Variants in DLGAP5 observed in about 807,000 individuals in gnomAD.
DLGAP5 encodes disks large-associated protein 5.
DLGAP5 carries 90 observed loss-of-function variants against 99.6 expected under a neutral mutation model. The observed-to-expected ratio is 0.90, with a 90% CI of 0.76 to 1.08. The LOEUF (loss-of-function observed/expected upper bound fraction) is 1.08. DLGAP5 is among the 50% of genes least tolerant of loss of function. The pLI is 0.00. For missense variants in DLGAP5, 1,036 were observed against 983.5 expected (o/e 1.05, Z -0.71); for synonymous variants, 311 against 321.3 (o/e 0.97, Z 0.34).
At chr14:55,152,929 C>T (rs1446253258) in intron 15 of DLGAP5, among the ~76,000 whole-genome samples, 1 of 152,122 alleles carries the variant, frequency 6.6e-6, no homozygotes, top group East Asian at 1.9e-4. Flanking sequence ...TGAATCTCAG[C>T]CAAATCCAGA....
At chr14:55,180,593 G>T in intron 6 of DLGAP5, 63 bp downstream of exon 6, 1 of 1,591,006 alleles carries the variant, frequency 6.3e-7, no homozygotes, top group South Asian at 1.1e-5. Context: ...TTTTGAAACG[G>T]AACACAAAAA....
chr14:55,178,784 C>T (rs1200463898), intron 7 of DLGAP5, among the ~76,000 whole-genome samples: 2 of 152,134 alleles, frequency 1.3e-5, no homozygotes, highest in Non-Finnish European at 2.9e-5. Context: ...TGGTGGCTCA[C>T]GCCTGTAATC....
intron 14 of DLGAP5, among the ~76,000 whole-genome samples, chr14:55,157,429 A>G (rs186491741): frequency 6.6e-6 from 1 of 152,346 alleles, no homozygotes; most frequent in East Asian, 1.9e-4. Context: ...TAACAAGAAT[A>G]TTATAATATA....
intron 14 of DLGAP5, among the ~76,000 whole-genome samples, 156 bp downstream of exon 14, chr14:55,158,366 G>A (rs2140308238): frequency 6.6e-6 from 1 of 152,278 alleles, no homozygotes; most frequent in African/African-American, 2.4e-5. Flanking sequence ...GTGTTTGTGA[G>A]CGAGCATAGT....
intron 10 of DLGAP5, among the ~76,000 whole-genome samples, chr14:55,173,363 C>T (rs937445887): frequency 6.6e-6 from 1 of 151,404 alleles, no homozygotes; most frequent in African/African-American, 2.4e-5. Context: ...GACAGAGAGG[C>T]TGCGGTGAGC....
chr14:55,152,288 T>C (rs561989520), intron 16 of DLGAP5, among the ~76,000 whole-genome samples: 2 of 152,358 alleles, frequency 1.3e-5, no homozygotes, highest in South Asian at 2.1e-4. Context: ...AGCAGCCAGA[T>C]AGAATACATA....
intron 12 of DLGAP5, among the ~76,000 whole-genome samples, chr14:55,168,279 C>T (rs1490904718): frequency 1.3e-5 from 2 of 152,104 alleles, no homozygotes; most frequent in Non-Finnish European, 2.9e-5. Flanking sequence ...CATATTCTAC[C>T]TATTGTATCT....
chr14:55,161,506 A>AT (rs1882433501), intron 13 of DLGAP5, among the ~76,000 whole-genome samples: 1 of 147,866 alleles, frequency 6.8e-6, no homozygotes, highest in Non-Finnish European at 1.5e-5. Flanking sequence ...GCCTCCCAGG[A>AT]TCAAGTGATT....
intron 2 of DLGAP5, among the ~76,000 whole-genome samples, chr14:55,186,063 G>A (rs140121879): frequency 2.0e-5 from 3 of 152,146 alleles, no homozygotes; most frequent in Non-Finnish European, 2.9e-5. Flanking sequence ...CTGAGGTTGG[G>A]AGTTTGAGAC....
At chr14:55,177,491 A>C (rs1171012367) in intron 7 of DLGAP5, among the ~76,000 whole-genome samples, 155 bp from the exon 8 acceptor site, 1 of 152,136 alleles carries the variant, frequency 6.6e-6, no homozygotes, top group Non-Finnish European at 1.5e-5. Flanking sequence ...TATACATGGA[A>C]TCAGAAGACC....
intron 5 of DLGAP5, 98 bp downstream of exon 5, chr14:55,181,114 CA>C: frequency 8.4e-7 from 1 of 1,188,630 alleles, no homozygotes; most frequent in Admixed American, 2.2e-5. Flanking sequence ...GACTCTGTCA[CA>C]AACAAACGAA....
At chr14:55,189,306 T>C (rs1382443383) in intron 1 of DLGAP5, 126 bp from the exon 2 acceptor site, 1 of 724,288 alleles carries the variant, frequency 1.4e-6, no homozygotes, top group African/African-American at 1.8e-5. Flanking sequence ...TGCAATGAAA[T>C]AAATATGTAA....
chr14:55,184,286 C>G lies in DLGAP5; in HGVS notation c.239-533G>C, dbSNP rs559639213. ...CAGCTTGAGTAACAAAGCAAGACCT[C>G]TCCGCACAAAGGGAAATGCTTTTAA... On this transcript the variant is annotated intron_variant, in intron 2 of 18. Coordinates refer to ENST00000247191, the MANE Select transcript of DLGAP5 (RefSeq NM_014750.5). Among the ~76,000 whole-genome samples, 10 of 152,182 alleles carry G rather than the reference C, an allele frequency of 6.6e-5. No homozygotes were observed. The South Asian group carries it at 2.1e-3, about 31-fold the overall frequency.
At position 55,158,651 on chromosome 14, in the gene DLGAP5, C is replaced by A. The variant is rs190904740; in HGVS notation, c.1744G>T (p.Ala582Ser). The A allele has an allele frequency of 2.0e-5, 32 of 1,614,124 alleles. No individual in the cohort carries two copies. In the East Asian group the frequency reaches 2.5e-4, roughly 12 times the overall value. The change falls in exon 14 of 19, where the codon GCA becomes TCA. Residue 582 changes from alanine (A) to serine (S), a missense_variant. Coordinates refer to ENST00000247191, the MANE Select transcript of DLGAP5 (RefSeq NM_014750.5). Reference sequence around the variant, plus strand: ...TCCTGCCTAATTCTCTCTCTCATTGCATTTTTTATGGCAGCTAGGCGATTT... The same window carrying A: ...TCCTGCCTAATTCTCTCTCTCATTGAATTTTTTATGGCAGCTAGGCGATTT... ...ARNRLAAIKNAMRERIRQEEC... is the reference protein window; with the variant it reads ...ARNRLAAIKNSMRERIRQEEC...
chr14:55,190,496 C>A (rs985259079), intron 1 of DLGAP5, among the ~76,000 whole-genome samples: 5 of 151,976 alleles, frequency 3.3e-5, no homozygotes, highest in African/African-American at 9.7e-5. Context: ...AACTACCAAG[C>A]CAAACTGGAG....
intron 13 of DLGAP5, 93 bp downstream of exon 13, chr14:55,162,875 CAAG>C (rs1014046501): frequency 8.6e-5 from 45 of 522,418 alleles, no homozygotes; most frequent in African/African-American, 7.2e-4. Flanking sequence ...AACTTAAAAA[CAAG>C]AAGTAGAAGA....
At position 55,152,999 on chromosome 14, in the gene DLGAP5, A is replaced by C. The variant is rs549058938; in HGVS notation, c.2064-352T>G. 1.2e-4 allele frequency among the ~76,000 whole-genome samples: 19 copies of C among 152,334 alleles called. No homozygotes were observed. The East Asian group carries it at 3.5e-3, about 28-fold the overall frequency. Reference sequence around the variant, plus strand: ...CTTCTGGAGACAGAAGCAACAATTCAATTATTGTCTAGCTGGAGTTAGCTA... The same window carrying C: ...CTTCTGGAGACAGAAGCAACAATTCCATTATTGTCTAGCTGGAGTTAGCTA... On this transcript the variant is annotated intron_variant, in intron 15 of 18. Transcript: ENST00000247191.
chr14:55,152,058 C>CT (rs1157926873), intron 16 of DLGAP5, 117 bp from the exon 17 acceptor site: 20 of 903,486 alleles, frequency 2.2e-5, no homozygotes, highest in South Asian at 5.3e-5. Flanking sequence ...CGGACACAGT[C>CT]TTAAGAACAT....
chr14:55,154,754 A>T lies in DLGAP5; in HGVS notation c.1926T>A (p.Ser642=). Residue 642 remains serine (S), a synonymous_variant, in exon 15 of 19, where the codon TCT becomes TCA. Coordinates refer to ENST00000247191, the MANE Select transcript of DLGAP5 (RefSeq NM_014750.5). ...GPSQRLGTPK[S]VNKAVSQSRN... is the part of the protein sequence containing the mutation. The stretch of plus-strand genomic sequence containing the variant: ...TACTCTGAGATACAGCTTTGTTGAC[A>T]GACTTAGGTGTTCCAAGTCTTTGAG... 3 of 1,614,176 alleles carry T rather than the reference A, an allele frequency of 1.9e-6. No homozygotes were observed. In the South Asian group the frequency reaches 3.3e-5, roughly 18 times the overall value.
Sources: allele counts gnomAD v4.1 joint callset (sites outside exome capture counted in the v4.1 genomes callset), GRCh38; gene constraint gnomAD v4.1.1; transcripts MANE v1.5; gene names NCBI Gene and HGNC (gene_info 2026-07-23, HGNC 2026-07-21).